The following PIK3R3 variants were observed in gnomAD, a reference collection of about 807,000 sequenced individuals.
PIK3R3 encodes the protein phosphatidylinositol 3-kinase regulatory subunit gamma.
A neutral mutation model predicts 62.9 loss-of-function variants in PIK3R3; 64 were observed. That is an observed-to-expected ratio of 1.02 (90% CI 0.83 to 1.25). The LOEUF is 1.25. PIK3R3 is among the 50% of genes most tolerant of loss of function. PIK3R3 has a pLI of 0.00. For missense variants in PIK3R3, 614 were observed against 561.6 expected, an observed-to-expected ratio of 1.09 and a Z score of -0.94; for synonymous variants, 165 against 189.0, an observed-to-expected ratio of 0.87 and a Z score of 1.04.
the PIK3R3 span, among the ~76,000 whole-genome samples, chr1:46,140,666 T>C: frequency 6.6e-6 from 1 of 152,088 alleles, no homozygotes; most frequent in Non-Finnish European, 1.5e-5. Context: ...GATATATCTA[T>C]AAGGCAAGGA....
chr1:46,169,548 C>T, the PIK3R3 span, among the ~76,000 whole-genome samples: 2 of 152,178 alleles, frequency 1.3e-5, no homozygotes, highest in Non-Finnish European at 2.9e-5. Flanking sequence ...CAATTTTAGA[C>T]TTCAAAAGAC....
chr1:46,092,118 G>GAACTGTACACCAAAGAGTATAAACTTTAC (rs1651692439), intron 1 of PIK3R3, among the ~76,000 whole-genome samples: 1 of 152,098 alleles, frequency 6.6e-6, no homozygotes, highest in African/African-American at 2.4e-5. Flanking sequence ...AAAACTCAAA[G>GAACTGTACACCAAAGAGTATAAACTTTAC]AACTGTACAC....
At position 46,127,674 on chromosome 1, in the gene PIK3R3, T is replaced by C. The variant is rs146082649; in HGVS notation, c.106+4173A>G. On this transcript the variant is annotated intron_variant, in intron 1 of 9. Transcript: ENST00000262741. ...GAAGTCATAGCAAGACTAACCAAGATGCTTATAGGCGATTCTCTGTACTAC... is the reference window on the plus strand; with the variant it reads ...GAAGTCATAGCAAGACTAACCAAGACGCTTATAGGCGATTCTCTGTACTAC... 4.1e-4 allele frequency among the ~76,000 whole-genome samples: 63 copies of C among 152,304 alleles called. 1 individual carries two copies. In the East Asian group the frequency reaches 0.012, roughly 28 times the overall value.
At chr1:46,168,065 C>T in the PIK3R3 span, among the ~76,000 whole-genome samples, 11 of 152,074 alleles carry the variant, frequency 7.2e-5, no homozygotes, top group Non-Finnish European at 1.6e-4. Flanking sequence ...CTGACGCATG[C>T]ACTTGAATCT....
intron 3 of PIK3R3, among the ~76,000 whole-genome samples, chr1:46,068,603 G>T (rs1649214217): frequency 3.9e-5 from 6 of 152,226 alleles, no homozygotes; most frequent in Admixed American, 1.3e-4. Flanking sequence ...CTCTGTTCAG[G>T]TGACATTTGA....
chr1:46,076,780 A>C (rs1477022938), intron 3 of PIK3R3, among the ~76,000 whole-genome samples: 1 of 152,228 alleles, frequency 6.6e-6, no homozygotes, highest in Admixed American at 6.5e-5. Context: ...CATCTATAAA[A>C]TGGGAATAGT....
In PIK3R3 at chr1:46,080,639, T is replaced by C. The variant is rs1283116342; in HGVS notation, c.215+3A>G. Reference sequence around the variant, plus strand: ...CATTCAATTACAGTAGCATTCTAGTTACCTTGAAATATCCCCCCAGTACCA... The same window carrying C: ...CATTCAATTACAGTAGCATTCTAGTCACCTTGAAATATCCCCCCAGTACCA... On this transcript the variant is annotated splice_donor_region_variant and intron_variant, in intron 2 of 9. Coordinates refer to ENST00000262741, the MANE Select transcript of PIK3R3 (RefSeq NM_003629.4). 3 of 1,561,868 alleles carry C rather than the reference T, an allele frequency of 1.9e-6. No homozygotes were observed. Among genetic ancestry groups the C allele is most frequent in the Non-Finnish European group, 2.6e-6 (3 of 1,136,324 alleles).
chr1:46,145,545 A>G, the PIK3R3 span, among the ~76,000 whole-genome samples: 1 of 152,104 alleles, frequency 6.6e-6, no homozygotes, highest in African/African-American at 2.4e-5. Flanking sequence ...AGAGAAAGCA[A>G]CCAAGGAAAC....
rs1647030660 is a variant in PIK3R3, at chr1:46,043,434, A to C, written c.*239T>G. On this transcript the variant is annotated 3_prime_UTR_variant, in exon 10 of 10. Transcript: ENST00000262741. ...AAAAACCCCAATGAAACAGACTTTC[A>C]AAAAAAACATCTGCTTCCAGCTTAG... 1 of 499,192 alleles carries C rather than the reference A, an allele frequency of 2.0e-6. No individual in the cohort carries two copies. The highest frequency in any genetic ancestry group is 1.9e-5 in the African/African-American group (1 of 52,112). 30.9% of individuals were successfully genotyped at this position (499,192 alleles called of 1,614,324 possible). A position where few individuals can be genotyped will look rare whatever the true frequency, so the allele number is the denominator to read the frequency against.
chr1:46,165,916 G>A, the PIK3R3 span, among the ~76,000 whole-genome samples: 22 of 151,174 alleles, frequency 1.5e-4, no homozygotes, highest in Middle Eastern at 3.5e-3. Context: ...GACTACAGGC[G>A]CCCGCCACCG....
chr1:46,125,030 C>T (rs1010473565), intron 1 of PIK3R3, among the ~76,000 whole-genome samples: 4 of 152,082 alleles, frequency 2.6e-5, no homozygotes, highest in South Asian at 2.1e-4. Flanking sequence ...ACACAGGAGT[C>T]GGAGATTGCA....
At chr1:46,071,895 C>T (rs980880826) in intron 3 of PIK3R3, among the ~76,000 whole-genome samples, 2 of 151,160 alleles carry the variant, frequency 1.3e-5, no homozygotes, top group Non-Finnish European at 2.9e-5. Context: ...CCTTTCCTAC[C>T]TCCTATCCCC....
chr1:46,167,746 T>C, the PIK3R3 span, among the ~76,000 whole-genome samples: 1 of 152,190 alleles, frequency 6.6e-6, no homozygotes. Flanking sequence ...CCTTCAGTCA[T>C]CTCACACGGC....
At chr1:46,084,914 G>C (rs1650923342) in intron 1 of PIK3R3, among the ~76,000 whole-genome samples, 1 of 152,138 alleles carries the variant, frequency 6.6e-6, no homozygotes. Flanking sequence ...CAGCAGGTGG[G>C]TTACACTCTA....
the PIK3R3 span, among the ~76,000 whole-genome samples, chr1:46,170,156 T>C: frequency 3.3e-4 from 50 of 152,224 alleles, 1 homozygote; most frequent in East Asian, 6.9e-3. Flanking sequence ...CCAAAAAAGA[T>C]AGCCATTCCA....
chr1:46,081,264 G>A (rs2149414903), intron 1 of PIK3R3, among the ~76,000 whole-genome samples: 1 of 152,286 alleles, frequency 6.6e-6, no homozygotes, highest in South Asian at 2.1e-4. Flanking sequence ...ATCAACTCAT[G>A]AATTTCAATG....
intron 1 of PIK3R3, among the ~76,000 whole-genome samples, chr1:46,102,780 C>CT (rs1342350342): frequency 7.6e-6 from 1 of 130,970 alleles, no homozygotes. Flanking sequence ...TCCAGCAATC[C>CT]TTCTTATTCT....
chr1:46,148,788 G>C, the PIK3R3 span, among the ~76,000 whole-genome samples: 5 of 151,496 alleles, frequency 3.3e-5, no homozygotes, highest in South Asian at 1.0e-3. Flanking sequence ...CATGAAGAGA[G>C]AATGAATATA....
chr1:46,152,765 G>C, the PIK3R3 span, among the ~76,000 whole-genome samples: 7 of 152,058 alleles, frequency 4.6e-5, no homozygotes, highest in African/African-American at 1.7e-4. Context: ...GGGTTTCACC[G>C]TGTTAGTCAG....
Sources: allele counts gnomAD v4.1 joint callset (sites outside exome capture counted in the v4.1 genomes callset), GRCh38; gene constraint gnomAD v4.1.1; transcripts MANE v1.5; gene names NCBI Gene and HGNC (gene_info 2026-07-23, HGNC 2026-07-21).